Variants in PDLIM5 observed in about 807,000 individuals in gnomAD.
The protein encoded by PDLIM5 is PDZ and LIM domain protein 5.
PDLIM5 carries 34 observed loss-of-function variants against 64.2 expected under a neutral mutation model. That is an observed-to-expected ratio of 0.53 (90% CI 0.40 to 0.71). The LOEUF (loss-of-function observed/expected upper bound fraction) is 0.71. PDLIM5 is among the 30% of genes least tolerant of loss of function. PDLIM5 has a pLI of 0.00. For synonymous variants in PDLIM5, 253 were observed against 269.1 expected, an observed-to-expected ratio of 0.94 and a Z score of 0.59; for missense variants, 683 against 733.6, an observed-to-expected ratio of 0.93 and a Z score of 0.80.
chr4:94,627,271 T>C (rs572093942), intron 8 of PDLIM5, among the ~76,000 whole-genome samples: 2 of 152,290 alleles, frequency 1.3e-5, no homozygotes, highest in Admixed American at 6.5e-5. Flanking sequence ...TTTCTGATTC[T>C]CAGGAAAAAA....
At chr4:94,623,622 A>T (rs1302741931) in intron 8 of PDLIM5, among the ~76,000 whole-genome samples, 1 of 152,182 alleles carries the variant, frequency 6.6e-6, no homozygotes, top group Non-Finnish European at 1.5e-5. Context: ...GATCTGTTTT[A>T]CAGCATCTAA....
At chr4:94,518,072 A>G (rs1416267727) in intron 2 of PDLIM5, among the ~76,000 whole-genome samples, 1 of 152,166 alleles carries the variant, frequency 6.6e-6, no homozygotes, top group Non-Finnish European at 1.5e-5. Flanking sequence ...TCATATATAG[A>G]CAATTCTAAG....
At chr4:94,661,406 GA>G (rs1198020000) in intron 11 of PDLIM5, among the ~76,000 whole-genome samples, 4 of 148,738 alleles carry the variant, frequency 2.7e-5, no homozygotes, top group Non-Finnish European at 6.0e-5. Context: ...AATGAAAGAA[GA>G]AAAAAAAAGA....
chr4:94,634,218 C>T (rs904647094), intron 8 of PDLIM5, among the ~76,000 whole-genome samples: 5 of 151,880 alleles, frequency 3.3e-5, no homozygotes, highest in Non-Finnish European at 7.4e-5. Flanking sequence ...TTGTTGGTGG[C>T]AAGAGTAGAA....
At chr4:94,526,483 C>T (rs543193656) in intron 3 of PDLIM5, among the ~76,000 whole-genome samples, 1 of 152,234 alleles carries the variant, frequency 6.6e-6, no homozygotes, top group East Asian at 1.9e-4. Context: ...TATTCATTGG[C>T]GTTCTCTTCA....
intron 8 of PDLIM5, among the ~76,000 whole-genome samples, chr4:94,625,585 T>A (rs1156777661): frequency 6.6e-6 from 1 of 151,978 alleles, no homozygotes; most frequent in African/African-American, 2.4e-5. Context: ...CCCAAGTAGC[T>A]GGGACTACAG....
At chr4:94,500,309 C>G (rs1171790646) in intron 2 of PDLIM5, among the ~76,000 whole-genome samples, 2 of 152,126 alleles carry the variant, frequency 1.3e-5, no homozygotes, top group African/African-American at 4.8e-5. Flanking sequence ...GCATCTGAAA[C>G]CTTGTAAGAA....
intron 2 of PDLIM5, among the ~76,000 whole-genome samples, chr4:94,504,321 C>T (rs1232747516): frequency 6.6e-6 from 1 of 151,206 alleles, no homozygotes; most frequent in Non-Finnish European, 1.5e-5. Flanking sequence ...CAGAGTGTCA[C>T]TCTGTCACCA....
chr4:94,456,566 G>A (rs1482666277), intron 2 of PDLIM5: 1 of 711,270 alleles, frequency 1.4e-6, no homozygotes, highest in Non-Finnish European at 2.5e-6. Flanking sequence ...TAATATATAA[G>A]GAGGTATGTG....
rs139389735 is a variant in PDLIM5 at position 94,630,289 on chromosome 4, A to T, written c.1109-9987A>T. Among the ~76,000 whole-genome samples, 53 of 152,198 alleles carry T rather than the reference A, an allele frequency of 3.5e-4. No individual in the cohort carries two copies. The South Asian group carries it at 4.2e-3, about 12-fold the overall frequency. ...GAGCCAGTTGTTTTTCACACCATAAAATCTCACTTATGACCTCTGCCTTGT... is the reference window on the plus strand; with the variant it reads ...GAGCCAGTTGTTTTTCACACCATAATATCTCACTTATGACCTCTGCCTTGT... On this transcript the variant is annotated intron_variant, in intron 8 of 12. Transcript: ENST00000317968.
chr4:94,461,967 C>G (rs183790841), intron 2 of PDLIM5, among the ~76,000 whole-genome samples: 50 of 152,286 alleles, frequency 3.3e-4, no homozygotes, highest in Admixed American at 3.1e-3. Flanking sequence ...TGGGTTCAAG[C>G]AGTTCTCTGC....
At chr4:94,480,291 G>T (rs1725739581) in intron 2 of PDLIM5, among the ~76,000 whole-genome samples, 1 of 152,088 alleles carries the variant, frequency 6.6e-6, no homozygotes, top group Non-Finnish European at 1.5e-5. Context: ...TACCATTAAG[G>T]TCTTGATTTG....
At chr4:94,481,170 A>G (rs1725812964) in intron 2 of PDLIM5, among the ~76,000 whole-genome samples, 1 of 152,186 alleles carries the variant, frequency 6.6e-6, no homozygotes, top group South Asian at 2.1e-4. Flanking sequence ...AATATTTAAT[A>G]AATACCCTGT....
At chr4:94,581,454 T>G (rs897842058) in intron 5 of PDLIM5, among the ~76,000 whole-genome samples, 1 of 152,150 alleles carries the variant, frequency 6.6e-6, no homozygotes, top group African/African-American at 2.4e-5. Context: ...GCAAAACTAT[T>G]TCCCTGCTAC....
At chr4:94,483,714 C>T (rs938999387) in intron 2 of PDLIM5, among the ~76,000 whole-genome samples, 16 of 152,116 alleles carry the variant, frequency 1.1e-4, no homozygotes, top group Admixed American at 2.6e-4. Context: ...TTGTTTATTC[C>T]GTTCGTGATT....
At chr4:94,512,570 T>G (rs1728983127) in intron 2 of PDLIM5, among the ~76,000 whole-genome samples, 2 of 152,200 alleles carry the variant, frequency 1.3e-5, no homozygotes. Context: ...GTACGTCTTT[T>G]GAGAAATGTC....
rs528744508 is a variant in PDLIM5, at chr4:94,608,356, A to G, written c.921-9648A>G. ...CGCTTCTCACTGCTTTTATATTTTT[A>G]TTTTTGTTTAGTTTATAACTTCTAA... On this transcript the variant is annotated intron_variant, in intron 7 of 12. Coordinates refer to ENST00000317968, the MANE Select transcript of PDLIM5 (RefSeq NM_006457.5). Among the ~76,000 whole-genome samples the G allele has an allele frequency of 1.6e-4, 25 of 152,288 alleles. No individual in the cohort carries two copies. In the South Asian group the frequency reaches 4.1e-3, roughly 25 times the overall value.
At chr4:94,627,489 A>T (rs565711981) in intron 8 of PDLIM5, among the ~76,000 whole-genome samples, 2 of 152,202 alleles carry the variant, frequency 1.3e-5, no homozygotes, top group Admixed American at 6.5e-5. Context: ...TATGCTTTTC[A>T]TAAAGAATTG....
In PDLIM5 at chr4:94,555,909, A is replaced by G. The variant is rs532199059; in HGVS notation, c.249-17442A>G. On this transcript the variant is annotated intron_variant, in intron 3 of 12. Coordinates refer to ENST00000317968, the MANE Select transcript of PDLIM5 (RefSeq NM_006457.5). ...TATTTATTTTTATTTTTATTTATAT[A>G]TATATTTTTATTATACTTTAAGTTC... Among the ~76,000 whole-genome samples, 836 of 151,264 alleles carry G rather than the reference A, an allele frequency of 5.5e-3. 8 individuals are homozygous for G. The highest frequency in any genetic ancestry group is 0.019 in the African/African-American group (781 of 41,372).
Sources: allele counts gnomAD v4.1 joint callset (sites outside exome capture counted in the v4.1 genomes callset), GRCh38; gene constraint gnomAD v4.1.1; transcripts MANE v1.5; gene names NCBI Gene and HGNC (gene_info 2026-07-23, HGNC 2026-07-21).